ARHGAP44: variants seen among roughly 807,000 people sequenced by gnomAD.
ARHGAP44 encodes rho GTPase-activating protein 44.
In ARHGAP44, 43 loss-of-function variants were observed where a neutral mutation model predicts 106.8. The observed-to-expected ratio is 0.40, with a 90% CI of 0.32 to 0.52. The LOEUF (loss-of-function observed/expected upper bound fraction) is 0.52, where lower values mean the gene tolerates loss of function less well. ARHGAP44 is among the 20% of genes least tolerant of loss of function. ARHGAP44 has a pLI of 0.48. For synonymous variants in ARHGAP44, 439 were observed against 410.3 expected, an observed-to-expected ratio of 1.07 and a Z score of -0.85; for missense variants, 866 against 1,050.5, an observed-to-expected ratio of 0.82 and a Z score of 2.43.
chr17:12,971,751 G>A lies in ARHGAP44; in HGVS notation c.1524-1551G>A, dbSNP rs190721515. ...TGGAAACTATTGGGTCCAGGAAAGA[G>A]ACATCCCTCCCCTTTCCCTCCATCC... is the stretch of plus-strand genomic sequence containing the variant. On this transcript the variant is annotated intron_variant, in intron 16 of 20. Transcript: ENST00000379672. Among the ~76,000 whole-genome samples the A allele has an allele frequency of 9.9e-5, 15 of 152,266 alleles. No individual in the cohort carries two copies. In the East Asian group the frequency reaches 1.4e-3, roughly 14 times the overall value.
chr17:12,905,340 T>C, intron 3 of ARHGAP44, among the ~76,000 whole-genome samples: 1 of 152,208 alleles, frequency 6.6e-6, no homozygotes. Flanking sequence ...GTCAAAATCA[T>C]TAGTGCAGGT....
intron 7 of ARHGAP44, among the ~76,000 whole-genome samples, chr17:12,939,468 A>AT (rs774637147): frequency 6.2e-4 from 93 of 149,740 alleles, no homozygotes; most frequent in South Asian, 3.6e-3. Context: ...TTTATTTTTT[A>AT]TTTTTTTTTT....
At chr17:12,841,639 C>CACACACAAAAAA (rs1555546108) in intron 1 of ARHGAP44, among the ~76,000 whole-genome samples, 1 of 137,398 alleles carries the variant, frequency 7.3e-6, no homozygotes, top group African/African-American at 2.9e-5. Flanking sequence ...CACACACACA[C>CACACACAAAAAA]AAACAAACAA....
At chr17:12,803,720 TC>T in intron 1 of ARHGAP44, among the ~76,000 whole-genome samples, 1 of 152,246 alleles carries the variant, frequency 6.6e-6, no homozygotes, top group South Asian at 2.1e-4. Context: ...AGCCTCTTCT[TC>T]CTCTGACTTC....
intron 1 of ARHGAP44, among the ~76,000 whole-genome samples, chr17:12,859,217 T>C (rs1480641657): frequency 6.6e-6 from 1 of 152,176 alleles, no homozygotes; most frequent in Non-Finnish European, 1.5e-5. Context: ...AGCCAAGGAA[T>C]GCTTGCAGCC....
intron 17 of ARHGAP44, 122 bp from the exon 18 acceptor site, chr17:12,973,967 C>T: frequency 1.9e-6 from 2 of 1,079,754 alleles, no homozygotes; most frequent in South Asian, 1.4e-5. Flanking sequence ...TTCCCGGGCC[C>T]CCGGGGTGCT....
intron 1 of ARHGAP44, among the ~76,000 whole-genome samples, chr17:12,876,114 A>G (rs1053042015): frequency 3.3e-5 from 5 of 152,102 alleles, no homozygotes; most frequent in African/African-American, 1.2e-4. Flanking sequence ...ACCCCCACTC[A>G]GCTCTTTTTA....
chr17:12,990,434 A>C lies in ARHGAP44; in HGVS notation c.*263A>C. The C allele has an allele frequency of 2.4e-6, 1 of 408,828 alleles. No individual in the cohort carries two copies. Among genetic ancestry groups the C allele is most frequent in the Non-Finnish European group, 4.6e-6 (1 of 217,916 alleles). 25.3% of individuals were successfully genotyped at this position (408,828 alleles called of 1,614,324 possible). A position where few individuals can be genotyped will look rare whatever the true frequency, so the allele number is the denominator to read the frequency against. On this transcript the variant is annotated 3_prime_UTR_variant, in exon 21 of 21. Transcript: ENST00000379672. ...TTTGACTTTGTGCCTCTTTTGATCC[A>C]CTTTCAGCCTCCATGCCAGAAAACA...
chr17:12,905,596 A>C (rs1256066219), intron 3 of ARHGAP44, among the ~76,000 whole-genome samples: 2 of 151,964 alleles, frequency 1.3e-5, no homozygotes, highest in African/African-American at 2.4e-5. Flanking sequence ...TGCTCCACTC[A>C]CTGACAGGAT....
At chr17:12,930,587 G>C (rs999980399) in intron 7 of ARHGAP44, among the ~76,000 whole-genome samples, 1 of 152,082 alleles carries the variant, frequency 6.6e-6, no homozygotes, top group African/African-American at 2.4e-5. Context: ...CCTCTGTTAA[G>C]AATTCTTTTT....
At chr17:12,869,644 C>T (rs2036347410) in intron 1 of ARHGAP44, among the ~76,000 whole-genome samples, 1 of 152,064 alleles carries the variant, frequency 6.6e-6, no homozygotes, top group South Asian at 2.1e-4. Flanking sequence ...TCTCTCATCC[C>T]CTGGCAACCA....
chr17:12,850,294 G>A (rs1348520349), intron 1 of ARHGAP44, among the ~76,000 whole-genome samples: 1 of 152,192 alleles, frequency 6.6e-6, no homozygotes, highest in African/African-American at 2.4e-5. Context: ...ACAAAATGGT[G>A]TATAGCCAGT....
At chr17:12,841,600 A>T (rs372881212) in intron 1 of ARHGAP44, among the ~76,000 whole-genome samples, 7,471 of 106,036 alleles carry the variant, frequency 0.07, 304 homozygotes, top group African/African-American at 0.22. Context: ...TCTCTCACAC[A>T]CACACACACA....
intron 1 of ARHGAP44, among the ~76,000 whole-genome samples, chr17:12,795,778 GAGTC>G (rs1056160081): frequency 8.5e-5 from 13 of 152,108 alleles, no homozygotes; most frequent in South Asian, 4.2e-4. Context: ...GAGAGTCAGA[GAGTC>G]AGGCCTCTTC....
intron 13 of ARHGAP44, among the ~76,000 whole-genome samples, chr17:12,953,226 C>G (rs2039041966): frequency 6.6e-6 from 1 of 152,134 alleles, no homozygotes; most frequent in Non-Finnish European, 1.5e-5. Context: ...CCACGTCTGC[C>G]TCTCGCTTTT....
chr17:12,882,799 G>A (rs2036778723), intron 1 of ARHGAP44, among the ~76,000 whole-genome samples: 1 of 151,984 alleles, frequency 6.6e-6, no homozygotes, highest in African/African-American at 2.4e-5. Flanking sequence ...TTTTCATAAT[G>A]TGCTAATTTT....
At chr17:12,789,966 C>T in intron 1 of ARHGAP44, 75 bp downstream of exon 1, 2 of 1,367,302 alleles carry the variant, frequency 1.5e-6, no homozygotes, top group Non-Finnish European at 2.0e-6. Context: ...GGTGATGGAG[C>T]CCGCCCAGCC....
intron 1 of ARHGAP44, among the ~76,000 whole-genome samples, chr17:12,893,110 G>A (rs574949444): frequency 2.0e-5 from 3 of 151,932 alleles, no homozygotes; most frequent in Admixed American, 6.6e-5. Flanking sequence ...CTGCTCTAGT[G>A]GGGGGAGCAG....
intron 1 of ARHGAP44, among the ~76,000 whole-genome samples, chr17:12,851,842 G>A (rs369682769): frequency 2.6e-5 from 4 of 151,988 alleles, no homozygotes; most frequent in Non-Finnish European, 4.4e-5. Context: ...TCATCTCATC[G>A]GCCCAAAATA....
Sources: allele counts gnomAD v4.1 joint callset (sites outside exome capture counted in the v4.1 genomes callset), GRCh38; gene constraint gnomAD v4.1.1; transcripts MANE v1.5; gene names NCBI Gene and HGNC (gene_info 2026-07-23, HGNC 2026-07-21).